BRINP1: variants seen among roughly 807,000 people sequenced by gnomAD.
BRINP1 encodes the protein BMP/retinoic acid-inducible neural-specific protein 1.
BRINP1 carries 17 observed loss-of-function variants against 72.9 expected under a neutral mutation model. The observed-to-expected ratio is 0.23, with a 90% CI of 0.16 to 0.35. The LOEUF is 0.35. Ranked by LOEUF, BRINP1 falls within the 10% of genes least tolerant of loss-of-function variation. The pLI, the probability that BRINP1 is intolerant of heterozygous loss-of-function variation, is 1.00. For synonymous variants in BRINP1, 418 were observed against 378.5 expected (o/e 1.10, Z -1.21); for missense variants, 850 against 1,001.6 (o/e 0.85, Z 2.04).
In BRINP1 at chr9:119,343,248, C is replaced by T. The variant is rs143897223; in HGVS notation, c.-51+25808G>A. 1.2e-4 allele frequency among the ~76,000 whole-genome samples: 19 copies of T among 152,272 alleles called. No individual in the cohort carries two copies. In the East Asian group the frequency reaches 3.5e-3, roughly 28 times the overall value. On this transcript the variant is annotated intron_variant, in intron 1 of 7. Coordinates refer to ENST00000265922, the MANE Select transcript of BRINP1 (RefSeq NM_014618.3). ...AAGTGCAGATGCAAACAGATTGCTC[C>T]GCACTGCCTACGGGGAATGAGATAT...
chr9:119,302,259 A>G (rs1830945992), intron 2 of BRINP1, among the ~76,000 whole-genome samples: 1 of 152,222 alleles, frequency 6.6e-6, no homozygotes, highest in Non-Finnish European at 1.5e-5. Flanking sequence ...GTACAATTTC[A>G]AAGTACTGCA....
intron 2 of BRINP1, among the ~76,000 whole-genome samples, chr9:119,308,922 C>T (rs1174623045): frequency 6.6e-6 from 1 of 151,598 alleles, no homozygotes; most frequent in Non-Finnish European, 1.5e-5. Flanking sequence ...TTAAAACCAT[C>T]TTTGAAATAA....
Position 119,211,360 on chromosome 9 carries a change from G to A in BRINP1, c.923-2419C>T, listed in dbSNP as rs373161640. On this transcript the variant is annotated intron_variant, in intron 6 of 7. Transcript: ENST00000265922. ...TTACAGGCATGTGCCGCCACACCCG[G>A]CTAATTTTGTAGTTTTAGTAGAGAC... 3.2e-4 allele frequency among the ~76,000 whole-genome samples: 49 copies of A among 152,196 alleles called. 1 individual carries two copies. Among genetic ancestry groups the A allele is most frequent in the African/African-American group, 1.1e-3 (45 of 41,514 alleles).
chr9:119,215,494 G>A (rs1036046281), intron 5 of BRINP1, among the ~76,000 whole-genome samples: 1 of 152,184 alleles, frequency 6.6e-6, no homozygotes, highest in African/African-American at 2.4e-5. Context: ...TACTCACTGT[G>A]TAAAAGAGAA....
chr9:119,205,187 C>T lies in BRINP1; in HGVS notation c.1145+3532G>A, dbSNP rs182971255. On this transcript the variant is annotated intron_variant, in intron 7 of 7. Transcript: ENST00000265922. Reference sequence around the variant, plus strand: ...AGATGTCAGGAAGCGGCCCACAGCCCGTCCAAGGAAGTTCATCTCTCCTGG... The same window carrying T: ...AGATGTCAGGAAGCGGCCCACAGCCTGTCCAAGGAAGTTCATCTCTCCTGG... Among the ~76,000 whole-genome samples, 194 of 152,234 alleles carry T rather than the reference C, an allele frequency of 1.3e-3. 1 individual carries two copies. Among genetic ancestry groups the T allele is most frequent in the African/African-American group, 4.4e-3 (184 of 41,538 alleles).
intron 1 of BRINP1, among the ~76,000 whole-genome samples, chr9:119,317,913 A>G (rs746122030): frequency 5.9e-5 from 9 of 152,190 alleles, no homozygotes; most frequent in African/African-American, 1.2e-4. Context: ...TCTGAGACAC[A>G]CTGCTATCCT....
chr9:119,219,829 C>G (rs1404468531), intron 5 of BRINP1, among the ~76,000 whole-genome samples: 3 of 152,144 alleles, frequency 2.0e-5, no homozygotes, highest in African/African-American at 7.2e-5. Context: ...GCACTCTCCA[C>G]TCTCCTAGGG....
intron 1 of BRINP1, among the ~76,000 whole-genome samples, chr9:119,320,662 G>C (rs191030852): frequency 6.6e-6 from 1 of 152,272 alleles, no homozygotes; most frequent in East Asian, 1.9e-4. Context: ...AAAGTAAAGA[G>C]ATGAATGGTG....
At chr9:119,258,193 T>C (rs1830462607) in intron 2 of BRINP1, among the ~76,000 whole-genome samples, 1 of 152,116 alleles carries the variant, frequency 6.6e-6, no homozygotes, top group South Asian at 2.1e-4. Context: ...CTGAAGGCTC[T>C]TACGGGGCTG....
At chr9:119,277,450 G>A (rs576107415) in intron 2 of BRINP1, among the ~76,000 whole-genome samples, 2 of 152,258 alleles carry the variant, frequency 1.3e-5, no homozygotes, top group East Asian at 3.9e-4. Flanking sequence ...TGGTGAGGAT[G>A]TTTACCCCCT....
chr9:119,191,948 A>G lies in BRINP1; in HGVS notation c.1145+16771T>C, dbSNP rs145240046. Among the ~76,000 whole-genome samples the G allele has an allele frequency of 5.3e-5, 8 of 152,008 alleles. No homozygotes were observed. The East Asian group carries it at 1.3e-3, about 26-fold the overall frequency. On this transcript the variant is annotated intron_variant, in intron 7 of 7. Coordinates refer to ENST00000265922, the MANE Select transcript of BRINP1 (RefSeq NM_014618.3). Reference sequence around the variant, plus strand: ...AATTGAGAGCCCAGAAATAAATCCAATCATAAATGGTGAACTAATTTTCAA... The same window carrying G: ...AATTGAGAGCCCAGAAATAAATCCAGTCATAAATGGTGAACTAATTTTCAA...
At chr9:119,347,747 T>C (rs1417866544) in intron 1 of BRINP1, among the ~76,000 whole-genome samples, 2 of 152,178 alleles carry the variant, frequency 1.3e-5, no homozygotes, top group African/African-American at 2.4e-5. Context: ...AAGCTGTTCC[T>C]TCTGCCTATA....
At position 119,217,425 on chromosome 9, in the gene BRINP1, A is replaced by C. The variant is rs1588167462; in HGVS notation, c.686-3270T>G. ...GGCTACTGTTATTGCCAAGCATATA[A>C]ATTTTGCCTTAGAAAACCCAGGCAG... On this transcript the variant is annotated intron_variant, in intron 5 of 7. Coordinates refer to ENST00000265922, the MANE Select transcript of BRINP1 (RefSeq NM_014618.3). Among the ~76,000 whole-genome samples the C allele has an allele frequency of 2.0e-5, 3 of 152,318 alleles. 1 individual carries two copies. Among genetic ancestry groups the C allele is most frequent in the South Asian group, 4.1e-4 (2 of 4,826 alleles).
intron 1 of BRINP1, among the ~76,000 whole-genome samples, chr9:119,331,040 A>G (rs930051139): frequency 3.3e-5 from 5 of 152,192 alleles, no homozygotes; most frequent in Non-Finnish European, 7.3e-5. Context: ...AAAACAAAAC[A>G]ACAGCAACAA....
At chr9:119,215,124 A>G (rs1829965261) in intron 5 of BRINP1, among the ~76,000 whole-genome samples, 1 of 152,230 alleles carries the variant, frequency 6.6e-6, no homozygotes. Context: ...GCATCACTAG[A>G]TAATTAATTT....
chr9:119,237,406 G>C (rs2118906597), intron 5 of BRINP1, among the ~76,000 whole-genome samples: 2 of 146,518 alleles, frequency 1.4e-5, no homozygotes, highest in South Asian at 4.4e-4. Flanking sequence ...TGTTGCCCAG[G>C]CTGGAGTGTA....
At chr9:119,212,979 T>G (rs1033537314) in intron 6 of BRINP1, among the ~76,000 whole-genome samples, 1 of 152,214 alleles carries the variant, frequency 6.6e-6, no homozygotes, top group African/African-American at 2.4e-5. Flanking sequence ...TTTTTCCTTC[T>G]AAATATGTTG....
At chr9:119,175,194 A>T (rs1311109482) in intron 7 of BRINP1, among the ~76,000 whole-genome samples, 2 of 152,194 alleles carry the variant, frequency 1.3e-5, no homozygotes, top group African/African-American at 4.8e-5. Flanking sequence ...TCCATAAAAA[A>T]GGATGAGTTC....
At chr9:119,357,420 A>C (rs1831580059) in intron 1 of BRINP1, among the ~76,000 whole-genome samples, 1 of 151,814 alleles carries the variant, frequency 6.6e-6, no homozygotes, top group African/African-American at 2.4e-5. Context: ...TCCCAGGAAG[A>C]ATAAGATTCT....
Sources: allele counts gnomAD v4.1 joint callset (sites outside exome capture counted in the v4.1 genomes callset), GRCh38; gene constraint gnomAD v4.1.1; transcripts MANE v1.5; gene names NCBI Gene and HGNC (gene_info 2026-07-23, HGNC 2026-07-21).